The following LINGO2 variants were observed in gnomAD, a reference collection of about 807,000 sequenced individuals.
The protein encoded by LINGO2 is leucine rich repeat and Ig domain containing 2, also known as leucine-rich repeat and immunoglobulin-like domain-containing nogo receptor-interacting protein 2.
In LINGO2, 14 loss-of-function variants were observed where a neutral mutation model predicts 30.6. That is an observed-to-expected ratio of 0.46 (90% CI 0.30 to 0.72). The LOEUF (loss-of-function observed/expected upper bound fraction) is 0.72, where lower values mean the gene tolerates loss of function less well. Among genes scored for constraint, LINGO2 ranks in the 30% least tolerant of loss-of-function variants. The probability of loss-of-function intolerance (pLI) is 0.07; values close to 1 mark genes in which losing one functional copy is unlikely to be tolerated. For missense variants in LINGO2, 729 were observed against 751.7 expected, an observed-to-expected ratio of 0.97 and a Z score of 0.35; for synonymous variants, 317 against 288.5, an observed-to-expected ratio of 1.10 and a Z score of -1.00.
At chr9:28,876,808 T>C in the LINGO2 span, among the ~76,000 whole-genome samples, 5 of 152,068 alleles carry the variant, frequency 3.3e-5, no homozygotes, top group African/African-American at 4.8e-5. Flanking sequence ...TAGTTCTAGA[T>C]CCCTGAGGAA....
At chr9:28,459,664 A>T (rs1824996174) in intron 2 of LINGO2, among the ~76,000 whole-genome samples, 1 of 152,012 alleles carries the variant, frequency 6.6e-6, no homozygotes, top group Non-Finnish European at 1.5e-5. Flanking sequence ...TATTCTTAGC[A>T]CCACACAATA....
chr9:28,036,857 G>T lies in LINGO2; in HGVS notation c.-86-24452C>A, dbSNP rs1196978040. On this transcript the variant is annotated intron_variant, in intron 4 of 5. Transcript: ENST00000379992. ...AGAAGCCAGACTATTTCTAGACACA[G>T]AAAATATAATGACTAGCTCAGCCTC... 3.9e-5 allele frequency among the ~76,000 whole-genome samples: 6 copies of T among 152,300 alleles called. No homozygotes were observed. In the South Asian group the frequency reaches 1.2e-3, roughly 32 times the overall value.
chr9:28,003,704 G>A (rs1049193982), intron 5 of LINGO2, among the ~76,000 whole-genome samples: 8 of 152,188 alleles, frequency 5.3e-5, no homozygotes, highest in Admixed American at 2.0e-4. Flanking sequence ...CTTGTGATCC[G>A]CCCGCCTTGG....
chr9:28,726,968 G>A, the LINGO2 span, among the ~76,000 whole-genome samples: 1 of 151,992 alleles, frequency 6.6e-6, no homozygotes, highest in African/African-American at 2.4e-5. Flanking sequence ...TATATTGATG[G>A]GAGATTGAGG....
At chr9:28,555,788 G>T (rs1215179906) in intron 1 of LINGO2, among the ~76,000 whole-genome samples, 1 of 151,974 alleles carries the variant, frequency 6.6e-6, no homozygotes, top group Admixed American at 6.6e-5. Context: ...ACATCAAAAA[G>T]CTTATCCACC....
chr9:29,134,851 T>C, the LINGO2 span, among the ~76,000 whole-genome samples: 4 of 152,140 alleles, frequency 2.6e-5, no homozygotes, highest in African/African-American at 9.6e-5. Context: ...AAGGTATAAA[T>C]CTTTAAGAGA....
At chr9:28,141,005 T>C (rs1161893076) in intron 4 of LINGO2, among the ~76,000 whole-genome samples, 2 of 151,694 alleles carry the variant, frequency 1.3e-5, no homozygotes, top group East Asian at 1.9e-4. Context: ...ACAGTTCATA[T>C]TGAAAATAGC....
the LINGO2 span, among the ~76,000 whole-genome samples, chr9:29,059,179 A>T: frequency 6.6e-6 from 1 of 151,834 alleles, no homozygotes; most frequent in Non-Finnish European, 1.5e-5. Context: ...AGATTGGAGA[A>T]CTCCATATTT....
intron 5 of LINGO2, among the ~76,000 whole-genome samples, chr9:28,009,206 G>C (rs775013821): frequency 3.0e-4 from 45 of 150,874 alleles, no homozygotes; most frequent in Non-Finnish European, 6.0e-4. Flanking sequence ...GAATAAAGTT[G>C]AACCCCTAAC....
At chr9:28,094,600 T>C (rs1244280657) in intron 4 of LINGO2, among the ~76,000 whole-genome samples, 1 of 152,092 alleles carries the variant, frequency 6.6e-6, no homozygotes, top group African/African-American at 2.4e-5. Flanking sequence ...TCTGTTCTTT[T>C]GATAATATTA....
chr9:28,687,888 C>T, the LINGO2 span, among the ~76,000 whole-genome samples: 15 of 151,972 alleles, frequency 9.9e-5, no homozygotes, highest in African/African-American at 1.4e-4. Flanking sequence ...TAGGATATAA[C>T]GATTATACCC....
chr9:28,653,961 G>A (rs1382913815), intron 1 of LINGO2, among the ~76,000 whole-genome samples: 2 of 152,026 alleles, frequency 1.3e-5, no homozygotes, highest in Non-Finnish European at 2.9e-5. Context: ...GTGTGTTAAT[G>A]TATGCTTTTA....
chr9:28,114,106 C>G (rs201694336), intron 4 of LINGO2, among the ~76,000 whole-genome samples: 1 of 57,596 alleles, frequency 1.7e-5, no homozygotes, highest in South Asian at 1.1e-3. Context: ...AATTTACTGA[C>G]AGTTTTTAGC....
At chr9:28,096,651 C>T (rs572545146) in intron 4 of LINGO2, among the ~76,000 whole-genome samples, 73 of 152,248 alleles carry the variant, frequency 4.8e-4, no homozygotes, top group Non-Finnish European at 7.9e-4. Context: ...AGTGCTGATC[C>T]GGTGTCTTTT....
the LINGO2 span, among the ~76,000 whole-genome samples, chr9:28,866,565 C>T: frequency 6.6e-6 from 1 of 151,980 alleles, no homozygotes; most frequent in East Asian, 1.9e-4. Context: ...GGCCAACACC[C>T]AGGGCACCCA....
the LINGO2 span, among the ~76,000 whole-genome samples, chr9:28,775,742 C>G: frequency 6.6e-6 from 1 of 152,134 alleles, no homozygotes; most frequent in Non-Finnish European, 1.5e-5. Context: ...ATTTGTACTT[C>G]TTAGTTTATT....
chr9:28,128,946 T>C (rs930508175), intron 4 of LINGO2, among the ~76,000 whole-genome samples: 1 of 152,166 alleles, frequency 6.6e-6, no homozygotes, highest in African/African-American at 2.4e-5. Context: ...CAAGTGCCGC[T>C]AGGAAAAGCA....
At chr9:28,717,320 C>T in the LINGO2 span, among the ~76,000 whole-genome samples, 9 of 137,782 alleles carry the variant, frequency 6.5e-5, no homozygotes, top group Middle Eastern at 7.7e-3. Context: ...ATGGCCACAA[C>T]TTGATTAAAG....
At chr9:28,823,280 C>T in the LINGO2 span, among the ~76,000 whole-genome samples, 15 of 152,280 alleles carry the variant, frequency 9.9e-5, no homozygotes, top group Non-Finnish European at 2.9e-5. Flanking sequence ...ACATTACAAA[C>T]TATGACAGTG....
Sources: gnomAD v4.1 joint callset for allele counts (sites outside exome capture counted in the v4.1 genomes callset) on GRCh38, gnomAD v4.1.1 for gene constraint, MANE v1.5 for transcripts, NCBI Gene and HGNC (gene_info 2026-07-23, HGNC 2026-07-21) for gene names.